GABRR3: variants seen among roughly 807,000 people sequenced by gnomAD.
The protein encoded by GABRR3 is gamma-aminobutyric acid type A receptor subunit rho3.
A neutral mutation model predicts 43.2 loss-of-function variants in GABRR3; 29 were observed. The ratio of observed to expected loss-of-function variants is 0.67; its 90% CI spans 0.50 to 0.92. The LOEUF is 0.92. Among genes scored for constraint, GABRR3 ranks in the 40% least tolerant of loss-of-function variants. GABRR3 has a pLI of 0.00. For synonymous variants in GABRR3, 206 were observed against 195.9 expected (o/e 1.05, Z -0.43); for missense variants, 576 against 572.3 (o/e 1.01, Z -0.07).
intron 9 of GABRR3, 123 bp downstream of exon 9, chr3:97,992,729 T>C (rs1706486992): frequency 1.2e-6 from 1 of 824,742 alleles, no homozygotes; most frequent in Admixed American, 2.7e-5. Context: ...TACTGTCAAC[T>C]TGCCTCTTGA....
At chr3:98,023,444 A>C (rs1437385576) in intron 3 of GABRR3, among the ~76,000 whole-genome samples, 1 of 152,142 alleles carries the variant, frequency 6.6e-6, no homozygotes, top group African/African-American at 2.4e-5. Context: ...ACCCAGGGAC[A>C]GGCAAATGTA....
intron 2 of GABRR3, among the ~76,000 whole-genome samples, chr3:98,030,944 A>C (rs141023902): frequency 2.3e-4 from 35 of 152,250 alleles, no homozygotes; most frequent in Non-Finnish European, 5.0e-4. Flanking sequence ...TGGGAAAATC[A>C]ATTGGTCCAA....
At chr3:98,019,383 T>C (rs571688482) in intron 3 of GABRR3, among the ~76,000 whole-genome samples, 7 of 152,278 alleles carry the variant, frequency 4.6e-5, no homozygotes, top group African/African-American at 1.4e-4. Context: ...TCACCTTCAC[T>C]TTATTAACAA....
intron 3 of GABRR3, among the ~76,000 whole-genome samples, chr3:98,023,235 T>G (rs1222103241): frequency 2.6e-5 from 4 of 152,208 alleles, no homozygotes; most frequent in Non-Finnish European, 5.9e-5. Flanking sequence ...TCTCTCAATC[T>G]TTCTTCCTTT....
chr3:97,987,180 C>G (rs1459328965), intron 9 of GABRR3, among the ~76,000 whole-genome samples, 198 bp from the exon 10 acceptor site: 1 of 152,020 alleles, frequency 6.6e-6, no homozygotes, highest in African/African-American at 2.4e-5. Context: ...TGGTCCAAAA[C>G]TAAAACCATG....
At chr3:98,029,184 G>C (rs1377935067) in intron 2 of GABRR3, among the ~76,000 whole-genome samples, 1 of 152,144 alleles carries the variant, frequency 6.6e-6, no homozygotes, top group African/African-American at 2.4e-5. Flanking sequence ...CCTAATTTTT[G>C]TCCTTTCCCA....
chr3:98,035,089 A>C, intron 1 of GABRR3, 100 bp from the exon 2 acceptor site: 2 of 1,361,538 alleles, frequency 1.5e-6, no homozygotes, highest in South Asian at 1.4e-5. Context: ...ACAGCATGTC[A>C]GGGGAAATGC....
chr3:97,992,480 G>T (rs1012120550), intron 9 of GABRR3, among the ~76,000 whole-genome samples: 1 of 151,988 alleles, frequency 6.6e-6, no homozygotes, highest in African/African-American at 2.4e-5. Flanking sequence ...TTACATGGTT[G>T]GTATGATGCC....
intron 2 of GABRR3, among the ~76,000 whole-genome samples, chr3:98,027,944 T>A (rs832043): frequency 2.0e-5 from 3 of 151,758 alleles, no homozygotes; most frequent in African/African-American, 7.3e-5. Flanking sequence ...ATCATTCTTT[T>A]TTTAAAAAAA....
At chr3:98,005,897 T>C (rs1173412311) in intron 7 of GABRR3, among the ~76,000 whole-genome samples, 1 of 152,182 alleles carries the variant, frequency 6.6e-6, no homozygotes, top group Non-Finnish European at 1.5e-5. Context: ...ATGTTGCAAA[T>C]ATCTATTTAC....
intron 3 of GABRR3, among the ~76,000 whole-genome samples, chr3:98,024,441 C>T (rs1046050179): frequency 9.9e-5 from 15 of 151,816 alleles, no homozygotes; most frequent in Non-Finnish European, 1.9e-4. Context: ...ACAACCACCC[C>T]CTAAAAAAAT....
At chr3:98,002,439 T>C (rs924788428) in intron 7 of GABRR3, among the ~76,000 whole-genome samples, 1 of 152,160 alleles carries the variant, frequency 6.6e-6, no homozygotes, top group Non-Finnish European at 1.5e-5. Context: ...CACACACACA[T>C]TTTGTTCAGG....
At chr3:98,005,128 T>C (rs1194812513) in intron 7 of GABRR3, among the ~76,000 whole-genome samples, 3 of 151,144 alleles carry the variant, frequency 2.0e-5, no homozygotes, top group African/African-American at 7.3e-5. Flanking sequence ...AAAAAATGGG[T>C]ATATTGTAAC....
At chr3:98,015,021 T>C (rs1364480504) in intron 4 of GABRR3, among the ~76,000 whole-genome samples, 2 of 152,164 alleles carry the variant, frequency 1.3e-5, no homozygotes, top group Non-Finnish European at 2.9e-5. Flanking sequence ...TTTTGAAAGT[T>C]TTATAAGAAC....
At chr3:98,028,438 C>A (rs942217829) in intron 2 of GABRR3, among the ~76,000 whole-genome samples, 1 of 152,138 alleles carries the variant, frequency 6.6e-6, no homozygotes, top group Non-Finnish European at 1.5e-5. Flanking sequence ...TATAACCTGA[C>A]AAATTAATTA....
chr3:98,001,546 A>T, intron 8 of GABRR3, 69 bp downstream of exon 8: 1 of 1,521,706 alleles, frequency 6.6e-7, no homozygotes, highest in Non-Finnish European at 9.1e-7. Context: ...TCCATGTATG[A>T]CCCATTTTAT....
chr3:98,000,446 A>T (rs369707948), intron 8 of GABRR3: 1 of 152,134 alleles, frequency 6.6e-6, no homozygotes, highest in African/African-American at 2.4e-5. Flanking sequence ...GCCACACTGC[A>T]GTACTGAGGT....
intron 2 of GABRR3, among the ~76,000 whole-genome samples, chr3:98,034,177 AGGG>A (rs2107255435): frequency 1.3e-5 from 2 of 152,260 alleles, no homozygotes; most frequent in South Asian, 4.2e-4. Context: ...TATGGGTAGT[AGGG>A]TGACAAATCA....
chr3:98,032,210 AT>A, intron 2 of GABRR3, among the ~76,000 whole-genome samples: 1 of 152,318 alleles, frequency 6.6e-6, no homozygotes, highest in South Asian at 2.1e-4. Flanking sequence ...TGGAGAAATC[AT>A]TGGGAAGTGG....
Sources: allele counts gnomAD v4.1 joint callset (sites outside exome capture counted in the v4.1 genomes callset), GRCh38; gene constraint gnomAD v4.1.1; transcripts MANE v1.5; gene names NCBI Gene and HGNC (gene_info 2026-07-23, HGNC 2026-07-21).